WNT5B: variants seen among roughly 807,000 people sequenced by gnomAD.
WNT5B encodes the protein Wnt family member 5B.
WNT5B carries 18 observed loss-of-function variants against 36.5 expected under a neutral mutation model. That is an observed-to-expected ratio of 0.49 (90% CI 0.34 to 0.73). WNT5B has a LOEUF of 0.73. Among genes scored for constraint, WNT5B ranks in the 30% least tolerant of loss-of-function variants. The pLI, the probability that WNT5B is intolerant of heterozygous loss-of-function variation, is 0.01. For synonymous variants in WNT5B, 213 were observed against 212.3 expected, an observed-to-expected ratio of 1.00 and a Z score of -0.03; for missense variants, 424 against 508.4, an observed-to-expected ratio of 0.83 and a Z score of 1.60.
chr12:1,637,966 C>T (rs765872395), intron 3 of WNT5B, among the ~76,000 whole-genome samples: 4 of 149,692 alleles, frequency 2.7e-5, no homozygotes, highest in Admixed American at 1.3e-4. Context: ...AACGCAACAC[C>T]GGCCAGGCAC....
upstream of WNT5B, among the ~76,000 whole-genome samples, chr12:1,625,117 G>A (rs983199476): frequency 6.6e-6 from 1 of 152,106 alleles, no homozygotes; most frequent in African/African-American, 2.4e-5. Context: ...TGGAAAAGGA[G>A]ACTTCATGTT....
At chr12:1,640,042 C>T in intron 4 of WNT5B, 66 bp downstream of exon 4, 1 of 1,517,080 alleles carries the variant, frequency 6.6e-7, no homozygotes. Flanking sequence ...GGCTGTGCCA[C>T]CAGCCGTGGC....
chr12:1,623,387 A>C (rs561377673), intron 1 of WNT5B, among the ~76,000 whole-genome samples: 1 of 145,808 alleles, frequency 6.9e-6, no homozygotes, highest in African/African-American at 2.5e-5. Flanking sequence ...AGTAGAGATG[A>C]GGTTTCACCG....
Position 1,630,522 on chromosome 12 carries a change from G to A in WNT5B, c.-57-776G>A, listed in dbSNP as rs887907498. 3.3e-5 allele frequency among the ~76,000 whole-genome samples: 5 copies of A among 152,188 alleles called. No homozygotes were observed. Among genetic ancestry groups the A allele is most frequent in the Non-Finnish European group, 7.4e-5 (5 of 68,016 alleles). On this transcript the variant is annotated intron_variant, in intron 1 of 4. Coordinates refer to ENST00000397196, the MANE Select transcript of WNT5B (RefSeq NM_032642.3). The surrounding 1 kb of genome is among the most constrained non-coding windows in gnomAD (Gnocchi z 5.3). ...TCAGGCATTTGATGCCAGAGCTGCC[G>A]CCTGGCGTCGGCAGTGTCCCCGGTG...
At chr12:1,634,804 G>A (rs570493125) in intron 3 of WNT5B, among the ~76,000 whole-genome samples, 6 of 152,304 alleles carry the variant, frequency 3.9e-5, no homozygotes, top group South Asian at 2.1e-4. Context: ...AGAGCAGCTC[G>A]GAGGAGCCTC....
rs28384802 is a variant in WNT5B, at chr12:1,630,448, C to G, written c.-57-850C>G. 0.062 allele frequency among the ~76,000 whole-genome samples: 9,428 copies of G among 152,120 alleles called. 529 individuals carry two copies. Among genetic ancestry groups the G allele is most frequent in the East Asian group, 0.24 (1,229 of 5,130 alleles). ...GCAGGAGGCCAAGAGGCGGGAGGCC[C>G]GGGAGCCAGCAGGGAAGGGCTGTGG... On this transcript the variant is annotated intron_variant, in intron 1 of 4. Transcript: ENST00000397196. This position sits in a 1 kb window ranked among gnomAD's most constrained non-coding sequence, Gnocchi z 5.3.
intron 1 of WNT5B, chr12:1,617,213 C>T (rs2094528088): frequency 6.6e-6 from 1 of 151,856 alleles, no homozygotes; most frequent in African/African-American, 2.4e-5. Context: ...GAAAAAGAGT[C>T]AATATAACTA....
At chr12:1,636,542 CT>C (rs55956039) in intron 3 of WNT5B, among the ~76,000 whole-genome samples, 41,764 of 74,446 alleles carry the variant, frequency 0.56, 10,024 homozygotes, top group South Asian at 0.68. Flanking sequence ...TATATATATA[CT>C]TTTTTTTTTT....
At chr12:1,639,127 G>GT (rs1182584116) in intron 3 of WNT5B, among the ~76,000 whole-genome samples, 1 of 151,768 alleles carries the variant, frequency 6.6e-6, no homozygotes, top group African/African-American at 2.4e-5. Context: ...GGAGGGACTT[G>GT]TTTTTTTGTG....
intron 3 of WNT5B, among the ~76,000 whole-genome samples, chr12:1,638,494 GTTA>G (rs1205597411): frequency 6.6e-6 from 1 of 152,156 alleles, no homozygotes; most frequent in Non-Finnish European, 1.5e-5. Flanking sequence ...TCACCAAGTT[GTTA>G]TTGGCTGTCT....
chr12:1,636,292 C>T (rs1421167074), intron 3 of WNT5B, among the ~76,000 whole-genome samples: 1 of 151,756 alleles, frequency 6.6e-6, no homozygotes, highest in African/African-American at 2.4e-5. Flanking sequence ...ATAACATTTT[C>T]ACCGCTCCAC....
rs2094582072 is a variant in WNT5B, at chr12:1,644,742, C to CAT, written c.622-1051_622-1050dup. 6.6e-6 allele frequency: 1 copy of CAT among 152,274 alleles called. No individual in the cohort carries two copies. The highest frequency in any genetic ancestry group is 1.5e-5 in the Non-Finnish European group (1 of 68,056). 9.4% of individuals were successfully genotyped at this position (152,274 alleles called of 1,614,324 possible). A position where few individuals can be genotyped will look rare whatever the true frequency, so the allele number is the denominator to read the frequency against. ...AGGGTTGGTTGCCATGGTGCGTCAGCATGCTGCCGTTGAAAAGCACTCTGT... is the reference window on the plus strand; with the variant it reads ...AGGGTTGGTTGCCATGGTGCGTCAGCATATGCTGCCGTTGAAAAGCACTCTGT... On this transcript the variant is annotated intron_variant, in intron 4 of 4. Transcript: ENST00000397196. This position sits in a 1 kb window ranked among gnomAD's most constrained non-coding sequence, Gnocchi z 5.1.
At chr12:1,628,417 CGAA>C (rs1488977424), upstream of WNT5B, among the ~76,000 whole-genome samples, 2 of 152,170 alleles carry the variant, frequency 1.3e-5, no homozygotes, top group African/African-American at 2.4e-5. Context: ...CTTGGCCCCC[CGAA>C]GAGCCCCGCA....
chr12:1,622,990 C>T (rs567842729), intron 1 of WNT5B, among the ~76,000 whole-genome samples: 7 of 151,900 alleles, frequency 4.6e-5, no homozygotes, highest in Non-Finnish European at 8.8e-5. Context: ...TCCCAGAAGT[C>T]GGCAAGGCAC....
chr12:1,626,543 G>A (rs1293120595), upstream of WNT5B, among the ~76,000 whole-genome samples: 2 of 151,000 alleles, frequency 1.3e-5, no homozygotes, highest in Non-Finnish European at 2.9e-5. Context: ...GATTACAGGC[G>A]TGAGCCACTA....
rs1047872603 is a variant in WNT5B at position 1,630,248 on chromosome 12, G to A, written c.-58+877G>A. 5.5e-5 allele frequency: 54 copies of A among 985,056 alleles called. No homozygotes were observed. The African/African-American group carries it at 9.1e-4, about 17-fold the overall frequency. The allele number at this position is 985,056 out of a possible 1,614,324, so 61.0% of individuals were successfully genotyped here. On this transcript the variant is annotated intron_variant, in intron 1 of 4. Transcript: ENST00000397196. The surrounding 1 kb of genome is among the most constrained non-coding windows in gnomAD (Gnocchi z 5.3). The stretch of plus-strand genomic sequence containing the variant: ...TCAGGTCCGGGGCCCCGGGGAGGCC[G>A]CTGGGGGCGCGGGTCACGCCCAGAC...
upstream of WNT5B, among the ~76,000 whole-genome samples, chr12:1,625,979 CTTTTTT>C (rs547219559): frequency 1.5e-5 from 2 of 134,430 alleles, no homozygotes; most frequent in Non-Finnish European, 1.6e-5. Context: ...TTTTCTCTCT[CTTTTTT>C]TTTTTTTTTT....
At position 1,630,635 on chromosome 12, in the gene WNT5B, C is replaced by A. The variant is rs772167426; in HGVS notation, c.-57-663C>A. Among the ~76,000 whole-genome samples the A allele has an allele frequency of 1.8e-4, 27 of 152,210 alleles. No individual in the cohort carries two copies. Among genetic ancestry groups the A allele is most frequent in the Admixed American group, 7.9e-4 (12 of 15,284 alleles). On this transcript the variant is annotated intron_variant, in intron 1 of 4. Coordinates refer to ENST00000397196, the MANE Select transcript of WNT5B (RefSeq NM_032642.3). This position sits in a 1 kb window ranked among gnomAD's most constrained non-coding sequence, Gnocchi z 5.3. ...CCGCCTAGGGAGGCACCACCTCAGCCGCCAGAGCTTTCCGGGCGGGCGGTT... is the reference window on the plus strand; with the variant it reads ...CCGCCTAGGGAGGCACCACCTCAGCAGCCAGAGCTTTCCGGGCGGGCGGTT...
Position 1,636,223 on chromosome 12 carries a change from AAT to A in WNT5B, c.328+3319_328+3320del, listed in dbSNP as rs575154873. On this transcript the variant is annotated intron_variant, in intron 3 of 4. Coordinates refer to ENST00000397196, the MANE Select transcript of WNT5B (RefSeq NM_032642.3). ...ATGAAATTCAGCATTTTAAAGTGTA[AAT>A]TCAGTGGCTTTGAGCATATTCACAA... 8.6e-5 allele frequency among the ~76,000 whole-genome samples: 13 copies of A among 152,024 alleles called. No homozygotes were observed. The East Asian group carries it at 2.1e-3, about 25-fold the overall frequency.
Sources: gnomAD v4.1 joint callset for allele counts (sites outside exome capture counted in the v4.1 genomes callset) on GRCh38, gnomAD v4.1.1 for gene constraint, Gnocchi (gnomAD v3.1) non-coding constraint, MANE v1.5 for transcripts, NCBI Gene and HGNC (gene_info 2026-07-23, HGNC 2026-07-21) for gene names.